Variants in KLHDC2 observed in about 807,000 individuals in gnomAD.
KLHDC2 encodes the protein kelch domain-containing protein 2.
A neutral mutation model predicts 62.3 loss-of-function variants in KLHDC2; 38 were observed. The observed-to-expected ratio is 0.61, with a 90% CI of 0.47 to 0.80. The LOEUF (loss-of-function observed/expected upper bound fraction) is 0.80. KLHDC2 is among the 30% of genes least tolerant of loss of function. The probability of loss-of-function intolerance (pLI) is 0.00; values close to 1 mark genes in which losing one functional copy is unlikely to be tolerated. For synonymous variants in KLHDC2, 159 were observed against 161.0 expected (o/e 0.99, Z 0.09); for missense variants, 430 against 495.3 (o/e 0.87, Z 1.25).
At chr14:49,769,572 G>A (rs1393308478) in intron 1 of KLHDC2, among the ~76,000 whole-genome samples, 1 of 152,138 alleles carries the variant, frequency 6.6e-6, no homozygotes. Flanking sequence ...TGGTTTAACT[G>A]CAAAAGTAAT....
In KLHDC2 at chr14:49,774,645, T is replaced by C; in HGVS notation, c.318T>C (p.Phe106=). 4 of 1,612,194 alleles carry C rather than the reference T, an allele frequency of 2.5e-6. No individual in the cohort carries two copies. Among genetic ancestry groups the C allele is most frequent in the Non-Finnish European group, 3.4e-6 (4 of 1,178,266 alleles). Residue 106 remains phenylalanine (F), a synonymous_variant, in exon 3 of 13, where the codon TTT becomes TTC. Coordinates refer to ENST00000298307, the MANE Select transcript of KLHDC2 (RefSeq NM_014315.3). ...AVCVDRVLYL[F]GGHHSRGNTN... ...GTGTAGACAGGGTGCTGTACTTGTT[T>C]GGAGGACACCATTCAAGAGGCAATA...
At chr14:49,776,548 T>C (rs8014285) in intron 3 of KLHDC2, among the ~76,000 whole-genome samples, 152,288 of 152,324 alleles carry the variant, frequency 1, 76,126 homozygotes, top group Middle Eastern at 1. Context: ...ACACCGAACA[T>C]GTATTTGTTA....
chr14:49,780,650 A>T, intron 9 of KLHDC2, 53 bp from the exon 10 acceptor site: 1 of 1,137,184 alleles, frequency 8.8e-7, no homozygotes, highest in Non-Finnish European at 1.3e-6. Context: ...TGCCCTTTAA[A>T]TGTCAATGTC....
Position 49,768,598 on chromosome 14 carries a change from A to G in KLHDC2, c.130A>G (p.Met44Val). The G allele has an allele frequency of 5.6e-6, 9 of 1,600,540 alleles. No individual in the cohort carries two copies. The highest frequency in any genetic ancestry group is 7.7e-6 in the Non-Finnish European group (9 of 1,174,712). Residue 44 changes from methionine to valine, a missense_variant, in exon 1 of 13, where the codon ATG (methionine) becomes GTG (valine). Met to Val is a conservative substitution (Grantham distance 21). Transcript: ENST00000298307. ...GHVAVSDGRH[M>V]FVWGGYKSNQ... is the part of the protein sequence containing the mutation. ...CGTAGCCGTCAGCGACGGGCGCCAC[A>G]TGTTCGTCTGGGGCGGCTACAAGGT... is the stretch of plus-strand genomic sequence containing the variant.
rs1890127726 is a variant in KLHDC2 at position 49,785,466 on chromosome 14, T to A, written c.*2513T>A. On this transcript the variant is annotated 3_prime_UTR_variant, in exon 13 of 13. Coordinates refer to ENST00000298307, the MANE Select transcript of KLHDC2 (RefSeq NM_014315.3). ...AGCTGGAACAGTGGTACTTAAACTCTGCTTCATAGTTCCAAAGAGTTGAAG... is the reference window on the plus strand; with the variant it reads ...AGCTGGAACAGTGGTACTTAAACTCAGCTTCATAGTTCCAAAGAGTTGAAG... 1.6e-6 allele frequency: 1 copy of A among 621,978 alleles called. No individual in the cohort carries two copies. The allele number at this position is 621,978 out of a possible 1,614,324, so 38.5% of individuals were successfully genotyped here.
intron 3 of KLHDC2, among the ~76,000 whole-genome samples, chr14:49,777,244 G>T (rs200506317): frequency 5.0e-3 from 3 of 596 alleles, no homozygotes; most frequent in African/African-American, 5.2e-3. Flanking sequence ...TGGGGACTCA[G>T]GGGTAAAGGG....
At chr14:49,773,995 C>G (rs1443223919) in intron 2 of KLHDC2, among the ~76,000 whole-genome samples, 4 of 152,132 alleles carry the variant, frequency 2.6e-5, no homozygotes, top group Non-Finnish European at 5.9e-5. Flanking sequence ...AATTTTAAAT[C>G]TTAGATTCCT....
chr14:49,772,144 T>C (rs1282090173), intron 2 of KLHDC2, among the ~76,000 whole-genome samples: 1 of 152,228 alleles, frequency 6.6e-6, no homozygotes, highest in Non-Finnish European at 1.5e-5. Flanking sequence ...TTTATGAACT[T>C]AGAATAAATT....
chr14:49,777,819 G>A lies in KLHDC2; in HGVS notation c.352-20G>A. 1 of 1,310,114 alleles carries A rather than the reference G, an allele frequency of 7.6e-7. No homozygotes were observed. The highest frequency in any genetic ancestry group is 1.1e-6 in the Non-Finnish European group (1 of 937,292). The allele number at this position is 1,310,114 out of a possible 1,614,324, so 81.2% of individuals were successfully genotyped here. On this transcript the variant is annotated intron_variant, in intron 3 of 12. Coordinates refer to ENST00000298307, the MANE Select transcript of KLHDC2 (RefSeq NM_014315.3). ...TTCTTTCATAAAACCAACTCTAACT[G>A]AAATCATTGCTTCTGACAGTTCTAC...
intron 2 of KLHDC2, among the ~76,000 whole-genome samples, chr14:49,772,906 A>C (rs904887467): frequency 6.6e-6 from 1 of 152,158 alleles, no homozygotes; most frequent in African/African-American, 2.4e-5. Context: ...CAGTGAACTG[A>C]GATCATGCCA....
At chr14:49,774,277 A>T (rs1889724677) in intron 2 of KLHDC2, among the ~76,000 whole-genome samples, 1 of 152,234 alleles carries the variant, frequency 6.6e-6, no homozygotes, top group African/African-American at 2.4e-5. Context: ...AGTCTGAGAA[A>T]CATAAAATGG....
At position 49,780,313 on chromosome 14, in the gene KLHDC2, C is replaced by A; in HGVS notation, c.874C>A (p.Gln292Lys). The change falls in exon 9 of 13, where the codon CAG becomes AAG. Residue 292 changes from glutamine to lysine, a missense_variant. Physicochemically the swap from Gln to Lys is moderately conservative, Grantham distance 53 (BLOSUM62 1). Coordinates refer to ENST00000298307, the MANE Select transcript of KLHDC2 (RefSeq NM_014315.3). ...CTTTGGAGGATTTACCACTGATAAACAGCCACTAAGTAAGTCCTTGAAAAA... is the reference window on the plus strand; with the variant it reads ...CTTTGGAGGATTTACCACTGATAAAAAGCCACTAAGTAAGTCCTTGAAAAA... ...FLFGGFTTDK[Q>K]PLSDAWTYCI... is the part of the protein sequence containing the mutation. 1 of 1,583,264 alleles carries A rather than the reference C, an allele frequency of 6.3e-7. No homozygotes were observed. Among genetic ancestry groups the A allele is most frequent in the Non-Finnish European group, 8.7e-7 (1 of 1,151,868 alleles).
chr14:49,782,643 T>C (rs1889960566), intron 12 of KLHDC2, 49 bp downstream of exon 12: 1 of 1,500,568 alleles, frequency 6.7e-7, no homozygotes, highest in African/African-American at 1.4e-5. Context: ...TTGTGTTTCC[T>C]AAGACTTAGC....
chr14:49,785,513 TTACTACTTAA>T lies in KLHDC2; in HGVS notation c.*2562_*2571del, dbSNP rs1404136049. 1 of 529,474 alleles carries T rather than the reference TTACTACTTAA, an allele frequency of 1.9e-6. No individual in the cohort carries two copies. Among genetic ancestry groups the T allele is most frequent in the African/African-American group, 1.9e-5 (1 of 52,492 alleles). 32.8% of individuals were successfully genotyped at this position (529,474 alleles called of 1,614,324 possible). On this transcript the variant is annotated 3_prime_UTR_variant, in exon 13 of 13. Coordinates refer to ENST00000298307, the MANE Select transcript of KLHDC2 (RefSeq NM_014315.3). ...GAAGACCAATGTTTAAATATATTCT[TTACTACTTAA>T]TTTTTGCCTAGCATAATAAGTAATG...
chr14:49,785,334 A>ACC lies in KLHDC2; in HGVS notation c.*2381_*2382insCC. The ACC allele has an allele frequency of 1.3e-6, 2 of 1,596,840 alleles. No homozygotes were observed. The highest frequency in any genetic ancestry group is 1.7e-6 in the Non-Finnish European group (2 of 1,164,386). ...AAATAGGTTTTCCTAAAAAGGGAAA[A>ACC]TAACAGTTACAAAGGCAATTTATAC... On this transcript the variant is annotated 3_prime_UTR_variant, in exon 13 of 13. Transcript: ENST00000298307.
At position 49,784,650 on chromosome 14, in the gene KLHDC2, C is replaced by T. The variant is rs1321540195; in HGVS notation, c.*1697C>T. The stretch of plus-strand genomic sequence containing the variant: ...TTTCATTTCAGCTATTTCCTTTTTA[C>T]GTTCAGAAGATTGGGTGCAGACACT... On this transcript the variant is annotated 3_prime_UTR_variant, in exon 13 of 13. Transcript: ENST00000298307. The T allele has an allele frequency of 6.2e-7, 1 of 1,608,248 alleles. No homozygotes were observed. The highest frequency in any genetic ancestry group is 8.5e-7 in the Non-Finnish European group (1 of 1,176,960).
chr14:49,782,326 T>G (rs1233161686), intron 10 of KLHDC2, 44 bp from the exon 11 acceptor site: 1 of 1,330,506 alleles, frequency 7.5e-7, no homozygotes, highest in African/African-American at 1.5e-5. Flanking sequence ...AATGGCCAAC[T>G]GGTGTTCTGG....
rs990268662 is a variant in KLHDC2, at chr14:49,786,337, T to C, written c.*3384T>C. ...CTTATTTGCTGTGCTGCCTGTGAGA[T>C]TGCCCCCATTTATTTTACAATATGA... On this transcript the variant is annotated 3_prime_UTR_variant, in exon 13 of 13. Transcript: ENST00000298307. The C allele has an allele frequency of 1.7e-5, 3 of 180,402 alleles. No individual in the cohort carries two copies. The highest frequency in any genetic ancestry group is 1.3e-4 in the South Asian group (1 of 7,950). 11.2% of individuals were successfully genotyped at this position (180,402 alleles called of 1,614,324 possible). A position where few individuals can be genotyped will look rare whatever the true frequency, so the allele number is the denominator to read the frequency against.
At chr14:49,776,041 G>A (rs1167792709) in intron 3 of KLHDC2, among the ~76,000 whole-genome samples, 9 of 152,148 alleles carry the variant, frequency 5.9e-5, no homozygotes, top group Admixed American at 5.2e-4. Context: ...CCTGTGGGAG[G>A]AGCATATGGT....
Sources: allele counts gnomAD v4.1 joint callset (sites outside exome capture counted in the v4.1 genomes callset), GRCh38; gene constraint gnomAD v4.1.1; transcripts MANE v1.5; gene names NCBI Gene and HGNC (gene_info 2026-07-23, HGNC 2026-07-21).